Variants in ECE1 observed in about 807,000 individuals in gnomAD.
ECE1 encodes the protein endothelin-converting enzyme 1.
Under a neutral mutation model 98.6 loss-of-function variants are expected in ECE1, and 35 were observed. The observed-to-expected ratio is 0.35, with a 90% CI of 0.27 to 0.47. The LOEUF (loss-of-function observed/expected upper bound fraction) is 0.47, where lower values mean the gene tolerates loss of function less well. ECE1 is among the 20% of genes least tolerant of loss of function. The pLI, the probability that ECE1 is intolerant of heterozygous loss-of-function variation, is 1.00. For missense variants in ECE1, 814 were observed against 1,025.3 expected (o/e 0.79, Z 2.81); for synonymous variants, 394 against 407.1 (o/e 0.97, Z 0.39).
At chr1:21,336,420 C>T (rs1464878919) in intron 1 of ECE1, among the ~76,000 whole-genome samples, 4 of 151,972 alleles carry the variant, frequency 2.6e-5, no homozygotes, top group Admixed American at 6.6e-5. Flanking sequence ...TGAGGCCGGG[C>T]GTGGTGGCTC....
Position 21,345,384 on chromosome 1 carries a change from G to A in ECE1, c.-6C>T. ...CCGCGCGCAGCACTCACCATAGCTC[G>A]CGTGCTCCGCCCCGGCTTCGCGCAG... On this transcript the variant is annotated 5_prime_UTR_variant, in exon 1 of 19. Coordinates refer to the ECE1 transcript ENST00000415912. The surrounding 1 kb of genome is among the most constrained non-coding windows in gnomAD (Gnocchi z 5.1). The A allele has an allele frequency of 7.5e-7, 1 of 1,340,228 alleles. No individual in the cohort carries two copies. The highest frequency in any genetic ancestry group is 9.7e-7 in the Non-Finnish European group (1 of 1,035,562). The allele number at this position is 1,340,228 out of a possible 1,614,324, so 83.0% of individuals were successfully genotyped here.
At chr1:21,329,032 CT>C (rs1639141501) in intron 1 of ECE1, among the ~76,000 whole-genome samples, 1 of 152,130 alleles carries the variant, frequency 6.6e-6, no homozygotes, top group Non-Finnish European at 1.5e-5. Context: ...TCCATTCCCC[CT>C]ACCAGGCGAT....
At chr1:21,331,525 T>A (rs546587878) in intron 1 of ECE1, among the ~76,000 whole-genome samples, 1 of 151,980 alleles carries the variant, frequency 6.6e-6, no homozygotes, top group Non-Finnish European at 1.5e-5. Context: ...GAGGTTGCAG[T>A]GAGCCATGAT....
Position 21,220,047 on chromosome 1 carries a change from CGAT to C in ECE1, c.2218_2220del (p.Ile740del). ...AACTCCTTGGAATTGGAGAGGGAGC[CGAT>C]GACCCGGAAGCGAGAGGGGCTGTGG... On this transcript the variant is annotated inframe_deletion, in exon 19 of 19. Transcript: ENST00000374893. This position sits in a 1 kb window ranked among gnomAD's most constrained non-coding sequence, Gnocchi z 5.0. 1 of 1,614,176 alleles carries C rather than the reference CGAT, an allele frequency of 6.2e-7. No homozygotes were observed. The highest frequency in any genetic ancestry group is 8.5e-7 in the Non-Finnish European group (1 of 1,180,018).
rs1316360263 is a variant in ECE1, at chr1:21,258,029, C to T, written c.763-439G>A. Reference sequence around the variant, plus strand: ...GAGCTAGAATGGGGATTCAAGAAGACAGTGCTGGTCAAGTGCCTGCCAAGC... The same window carrying T: ...GAGCTAGAATGGGGATTCAAGAAGATAGTGCTGGTCAAGTGCCTGCCAAGC... On this transcript the variant is annotated intron_variant, in intron 6 of 18. Transcript: ENST00000374893. This position sits in a 1 kb window ranked among gnomAD's most constrained non-coding sequence, Gnocchi z 4.2. 6.6e-6 allele frequency among the ~76,000 whole-genome samples: 1 copy of T among 152,164 alleles called. No individual in the cohort carries two copies. The highest frequency in any genetic ancestry group is 2.4e-5 in the African/African-American group (1 of 41,446).
chr1:21,279,554 A>G, intron 2 of ECE1: 3 of 1,447,486 alleles, frequency 2.1e-6, no homozygotes, highest in South Asian at 3.0e-5. Flanking sequence ...AGAGTCAAGC[A>G]GCTCGGCCCC....
chr1:21,224,250 AC>A (rs1275267560), intron 17 of ECE1, among the ~76,000 whole-genome samples: 2 of 150,426 alleles, frequency 1.3e-5, no homozygotes, highest in Non-Finnish European at 3.0e-5. Flanking sequence ...TATTCCTTTT[AC>A]CCCCCGTTAT....
chr1:21,331,682 C>T (rs925960073), intron 1 of ECE1, among the ~76,000 whole-genome samples: 5 of 152,076 alleles, frequency 3.3e-5, no homozygotes, highest in African/African-American at 1.2e-4. Context: ...AGGAGAGATA[C>T]ATTACCTCTC....
chr1:21,249,235 CG>C (rs1366610078), intron 8 of ECE1, among the ~76,000 whole-genome samples: 1 of 150,776 alleles, frequency 6.6e-6, no homozygotes, highest in Non-Finnish European at 1.5e-5. Context: ...CCCAGCTACT[CG>C]GGATGCTGAG....
rs1034076585 is a variant in ECE1 at position 21,235,308 on chromosome 1, A to G, written c.1566+542T>C. On this transcript the variant is annotated intron_variant, in intron 13 of 18. Transcript: ENST00000374893. This position sits in a 1 kb window ranked among gnomAD's most constrained non-coding sequence, Gnocchi z 4.2. ...ATCAACCACCTCCATTGCCCAAACC[A>G]AGCTTAAAAATGCACCTGGATTTAA... is the stretch of plus-strand genomic sequence containing the variant. Among the ~76,000 whole-genome samples the G allele has an allele frequency of 1.3e-5, 2 of 152,230 alleles. No individual in the cohort carries two copies. The highest frequency in any genetic ancestry group is 2.4e-5 in the African/African-American group (1 of 41,468).
At position 21,236,785 on chromosome 1, in the gene ECE1, C is replaced by T; in HGVS notation, c.1449G>A (p.Lys483=). ...KAFEESLSTL[K]WMDEETRKSA... The stretch of plus-strand genomic sequence containing the variant: ...ATTTTCGGGTTTCCTCATCCATCCA[C>T]TTCAGGGTGCTCAGGCTTTCCTCAA... Residue 483 remains lysine (K), a synonymous_variant, in exon 12 of 19, where the codon AAG becomes AAA. Coordinates refer to ENST00000374893, the MANE Select transcript of ECE1 (RefSeq NM_001397.3). 1 of 1,614,094 alleles carries T rather than the reference C, an allele frequency of 6.2e-7. No individual in the cohort carries two copies. Among genetic ancestry groups the T allele is most frequent in the Non-Finnish European group, 8.5e-7 (1 of 1,180,034 alleles).
rs2098173605 is a variant in ECE1 at position 21,225,896 on chromosome 1, T to C, written c.1850-456A>G. ...TTTTAGTAGAGATGGGGTCTCACCA[T>C]GTTGGCCAGGCTGGTCTTGAACTCC... On this transcript the variant is annotated intron_variant, in intron 16 of 18. Coordinates refer to ENST00000374893, the MANE Select transcript of ECE1 (RefSeq NM_001397.3). This position sits in a 1 kb window ranked among gnomAD's most constrained non-coding sequence, Gnocchi z 5.3. Among the ~76,000 whole-genome samples the C allele has an allele frequency of 6.6e-6, 1 of 151,756 alleles. No homozygotes were observed. The highest frequency in any genetic ancestry group is 2.4e-5 in the African/African-American group (1 of 41,298).
rs2098176411 is a variant in ECE1, at chr1:21,227,911, G to A, written c.1781+20C>T. 4 of 1,546,630 alleles carry A rather than the reference G, an allele frequency of 2.6e-6. No individual in the cohort carries two copies. The highest frequency in any genetic ancestry group is 2.6e-6 in the Non-Finnish European group (3 of 1,142,590). On this transcript the variant is annotated intron_variant, in intron 15 of 18. Coordinates refer to ENST00000374893, the MANE Select transcript of ECE1 (RefSeq NM_001397.3). ...GGCTGGGGGAAAAGAATTGGGGTAG[G>A]GGCCCCAGAGGCAGCCTACTTGGGT...
At position 21,260,335 on chromosome 1, in the gene ECE1, G is replaced by A; in HGVS notation, c.551C>T (p.Ala184Val). The A allele has an allele frequency of 6.2e-7, 1 of 1,614,242 alleles. No homozygotes were observed. The highest frequency in any genetic ancestry group is 8.5e-7 in the Non-Finnish European group (1 of 1,180,048). ...AERKAQVYYR[A>V]CMNETRIEEL... ...CTCGATCCTGGTCTCGTTCATGCAC[G>A]CACGGTAGTATACTTGCGCCTTTCT... The change falls in exon 5 of 19, where the codon GCG becomes GTG. Residue 184 changes from alanine (A) to valine (V), a missense_variant. This residue lies in a region of ECE1 where 257 missense variants were observed against 278.9 expected (regional missense o/e 0.92). Coordinates refer to ENST00000374893, the MANE Select transcript of ECE1 (RefSeq NM_001397.3). The surrounding 1 kb of genome is among the most constrained non-coding windows in gnomAD (Gnocchi z 4.3).
chr1:21,291,510 G>T (rs1195213096), upstream of ECE1, among the ~76,000 whole-genome samples: 4 of 152,198 alleles, frequency 2.6e-5, no homozygotes, highest in Non-Finnish European at 5.9e-5. Context: ...TCAGCAGCCA[G>T]GATGAGCCTT....
Position 21,235,780 on chromosome 1 carries a change from C to A in ECE1, c.1566+70G>T. On this transcript the variant is annotated intron_variant, in intron 13 of 18. Coordinates refer to ENST00000374893, the MANE Select transcript of ECE1 (RefSeq NM_001397.3). This position sits in a 1 kb window ranked among gnomAD's most constrained non-coding sequence, Gnocchi z 4.2. ...GCTGCCTCTAGCACCCCATCTGGAC[C>A]CAGCCCTGCCTCGGCCCTTTTCTAA... is the stretch of plus-strand genomic sequence containing the variant. The A allele has an allele frequency of 6.6e-7, 1 of 1,519,530 alleles. No individual in the cohort carries two copies. The highest frequency in any genetic ancestry group is 1.1e-5 in the South Asian group (1 of 89,156). 94.1% of individuals were successfully genotyped at this position (1,519,530 alleles called of 1,614,324 possible).
At chr1:21,227,318 G>A (rs1257450092) in intron 15 of ECE1, 92 bp from the exon 16 acceptor site, 22 of 1,292,658 alleles carry the variant, frequency 1.7e-5, no homozygotes, top group Non-Finnish European at 2.4e-5. Context: ...CCTGGGCTTA[G>A]AGATATAGCA....
intron 1 of ECE1, among the ~76,000 whole-genome samples, chr1:21,296,701 T>A (rs527605186): frequency 1.6e-4 from 24 of 152,292 alleles, no homozygotes; most frequent in African/African-American, 5.1e-4. Flanking sequence ...AGGAAGCAGC[T>A]TGCCAGAGCT....
chr1:21,221,386 G>A (rs1420318238), intron 18 of ECE1, among the ~76,000 whole-genome samples: 1 of 152,056 alleles, frequency 6.6e-6, no homozygotes, highest in Non-Finnish European at 1.5e-5. Context: ...GGACTAGGCT[G>A]GTCTCAAACT....
Sources: allele counts gnomAD v4.1 joint callset (sites outside exome capture counted in the v4.1 genomes callset), GRCh38; gene constraint gnomAD v4.1.1; regional missense constraint gnomAD v4.1.1; non-coding constraint Gnocchi (gnomAD v3.1); transcripts MANE v1.5; gene names NCBI Gene and HGNC (gene_info 2026-07-23, HGNC 2026-07-21).